Variants in FAM178B observed in about 807,000 individuals in gnomAD.
FAM178B encodes family with sequence similarity 178 member B.
FAM178B carries 82 observed loss-of-function variants against 91.7 expected under a neutral mutation model. The observed-to-expected ratio is 0.89, with a 90% CI of 0.75 to 1.07. The LOEUF (loss-of-function observed/expected upper bound fraction) is 1.07. FAM178B is among the 50% of genes least tolerant of loss of function. The probability of loss-of-function intolerance (pLI) is 0.00; values close to 1 mark genes in which losing one functional copy is unlikely to be tolerated. For synonymous variants in FAM178B, 368 were observed against 359.4 expected (o/e 1.02, Z -0.27); for missense variants, 769 against 846.7 (o/e 0.91, Z 1.14).
intron 9 of FAM178B, among the ~76,000 whole-genome samples, chr2:96,926,577 G>A (rs920091613): frequency 2.6e-5 from 4 of 152,158 alleles, no homozygotes; most frequent in African/African-American, 7.2e-5. Flanking sequence ...CCCACCACCC[G>A]CTTCCCATTC....
At chr2:96,932,042 C>T (rs575204674) in intron 8 of FAM178B, among the ~76,000 whole-genome samples, 6 of 152,182 alleles carry the variant, frequency 3.9e-5, no homozygotes, top group African/African-American at 7.2e-5. Flanking sequence ...CACCTGTGGG[C>T]GGGCAGATGA....
chr2:96,936,894 G>A (rs1008231172), intron 8 of FAM178B, among the ~76,000 whole-genome samples: 1 of 152,060 alleles, frequency 6.6e-6, no homozygotes, highest in African/African-American at 2.4e-5. Context: ...ACCCGGCACT[G>A]GAAGGGATGA....
intron 14 of FAM178B, among the ~76,000 whole-genome samples, chr2:96,891,440 G>T (rs1039690637): frequency 1.3e-5 from 2 of 152,230 alleles, no homozygotes; most frequent in Non-Finnish European, 2.9e-5. Context: ...CAGAATGGGG[G>T]CAGGAGAGCG....
At chr2:96,931,788 T>C (rs575821594) in intron 8 of FAM178B, among the ~76,000 whole-genome samples, 31 of 151,728 alleles carry the variant, frequency 2.0e-4, no homozygotes, top group Non-Finnish European at 4.0e-4. Context: ...TTTGGAAATG[T>C]ATATGGGTTG....
chr2:96,885,033 C>T (rs984544938), intron 14 of FAM178B, among the ~76,000 whole-genome samples: 5 of 152,252 alleles, frequency 3.3e-5, no homozygotes, highest in South Asian at 2.1e-4. Context: ...AGAGAGCAGA[C>T]GTCACTGGTG....
chr2:96,913,993 C>G (rs1374222504), intron 12 of FAM178B, among the ~76,000 whole-genome samples: 1 of 152,234 alleles, frequency 6.6e-6, no homozygotes, highest in Non-Finnish European at 1.5e-5. Flanking sequence ...ATTTCCATCA[C>G]AGGAAGAGAT....
At chr2:96,921,417 G>A in intron 11 of FAM178B, 61 bp downstream of exon 11, 2 of 1,544,846 alleles carry the variant, frequency 1.3e-6, no homozygotes, top group South Asian at 1.2e-5. Context: ...GGGCACTCTA[G>A]GGGCCACCTT....
chr2:96,914,591 T>C (rs182458670), intron 12 of FAM178B, among the ~76,000 whole-genome samples: 71 of 152,310 alleles, frequency 4.7e-4, no homozygotes, highest in African/African-American at 1.6e-3. Context: ...AATTATGTTT[T>C]AAAATACCCA....
intron 13 of FAM178B, among the ~76,000 whole-genome samples, chr2:96,902,350 C>T (rs1000354950): frequency 3.9e-5 from 6 of 152,260 alleles, no homozygotes; most frequent in Admixed American, 1.3e-4. Flanking sequence ...ATGATCTGCC[C>T]GCCTCAGCCT....
chr2:96,959,236 C>T (rs908232299), intron 6 of FAM178B, among the ~76,000 whole-genome samples: 53 of 142,180 alleles, frequency 3.7e-4, no homozygotes, highest in Admixed American at 7.2e-5. Context: ...AGTAATCCTG[C>T]AATAATGGTG....
At chr2:96,918,953 G>A (rs1043884477) in intron 12 of FAM178B, among the ~76,000 whole-genome samples, 3 of 152,164 alleles carry the variant, frequency 2.0e-5, no homozygotes, top group Non-Finnish European at 4.4e-5. Flanking sequence ...CCCACGGCTT[G>A]CTCAATCGAT....
intron 12 of FAM178B, among the ~76,000 whole-genome samples, chr2:96,920,626 AG>A: frequency 6.6e-6 from 1 of 152,162 alleles, no homozygotes. Flanking sequence ...AAATTTACAG[AG>A]CGCCGAACAG....
Position 96,967,607 on chromosome 2 carries a change from T to C in FAM178B, c.647A>G (p.Glu216Gly). 6.5e-7 allele frequency: 1 copy of C among 1,550,044 alleles called. No homozygotes were observed. Among genetic ancestry groups the C allele is most frequent in the Non-Finnish European group, 8.7e-7 (1 of 1,146,772 alleles). ...QEKREQALEQ[E>G]RERLLLQECL... ...CTCCTGCAGAAGCAGCCTCTCTCGC[T>C]CCTGCTCCAGGGCCTGTTCCCTATA... is the stretch of plus-strand genomic sequence containing the variant. Residue 216 changes from glutamate (E) to glycine (G), a missense_variant, in exon 5 of 17, where the codon GAG becomes GGG. Physicochemically the swap from Glu to Gly is moderately conservative, Grantham distance 98. Transcript: ENST00000490605.
At chr2:96,915,111 A>AC (rs1559070171) in intron 12 of FAM178B, among the ~76,000 whole-genome samples, 2 of 146,022 alleles carry the variant, frequency 1.4e-5, no homozygotes, top group Non-Finnish European at 3.0e-5. Context: ...TCTATAACCA[A>AC]ATTTTTTTTT....
intron 9 of FAM178B, 136 bp from the exon 10 acceptor site, chr2:96,923,719 C>G: frequency 1.5e-6 from 1 of 669,602 alleles, no homozygotes; most frequent in East Asian, 2.8e-5. Flanking sequence ...CACAGATGAT[C>G]TCATGAGTTT....
At chr2:96,879,144 G>A (rs1040722330) in intron 14 of FAM178B, among the ~76,000 whole-genome samples, 1 of 152,202 alleles carries the variant, frequency 6.6e-6, no homozygotes, top group African/African-American at 2.4e-5. Flanking sequence ...GAGAAACCGA[G>A]CCATGGGGAG....
intron 1 of FAM178B, among the ~76,000 whole-genome samples, chr2:96,981,346 G>A (rs966424322): frequency 7.2e-5 from 11 of 152,260 alleles, no homozygotes; most frequent in Admixed American, 5.2e-4. Context: ...ACACATGCAC[G>A]TGAACACTCA....
chr2:96,973,805 G>C (rs2082254939), intron 1 of FAM178B, among the ~76,000 whole-genome samples: 1 of 151,630 alleles, frequency 6.6e-6, no homozygotes, highest in South Asian at 2.1e-4. Flanking sequence ...TTCGAGACCA[G>C]CCTGGCCAAC....
chr2:96,949,906 G>T, intron 7 of FAM178B: 1 of 885,578 alleles, frequency 1.1e-6, no homozygotes, highest in Non-Finnish European at 1.4e-6. Flanking sequence ...GAGGCACAGA[G>T]CTGATGCTAA....
Sources: allele counts gnomAD v4.1 joint callset (sites outside exome capture counted in the v4.1 genomes callset), GRCh38; gene constraint gnomAD v4.1.1; transcripts MANE v1.5; gene names NCBI Gene and HGNC (gene_info 2026-07-23, HGNC 2026-07-21).